The following AKT1 variants were observed in gnomAD, a reference collection of about 807,000 sequenced individuals.
AKT1 encodes RAC-alpha serine/threonine-protein kinase.
AKT1 carries 21 observed loss-of-function variants against 63.1 expected under a neutral mutation model. The ratio of observed to expected loss-of-function variants is 0.33; its 90% CI spans 0.24 to 0.48. The LOEUF (loss-of-function observed/expected upper bound fraction) is 0.48. AKT1 is among the 20% of genes least tolerant of loss of function. The probability of loss-of-function intolerance (pLI) is 0.99; values close to 1 mark genes in which losing one functional copy is unlikely to be tolerated. For missense variants in AKT1, 382 were observed against 666.0 expected (o/e 0.57, Z 4.69); for synonymous variants, 257 against 253.1 (o/e 1.02, Z -0.15).
At chr14:104,792,550 ACC>A (rs763290309) in intron 3 of AKT1, 46 bp downstream of exon 3, 28 of 1,604,778 alleles carry the variant, frequency 1.7e-5, no homozygotes, top group Non-Finnish European at 2.3e-5. Context: ...TGGGGCTACT[ACC>A]CCCATCTCTC....
chr14:104,779,950 C>T lies in AKT1; in HGVS notation c.175+138G>A. On this transcript the variant is annotated intron_variant, in intron 4 of 14. Coordinates refer to ENST00000649815, the MANE Select transcript of AKT1 (RefSeq NM_001382430.1). ...AGCCTCGGGACTCGGCCCAGAGACC[C>T]CCACCCAGCCAGTGCTTGTTGCTTG... 6 of 1,295,928 alleles carry T rather than the reference C, an allele frequency of 4.6e-6. No homozygotes were observed. The South Asian group carries it at 7.4e-5, about 16-fold the overall frequency. The allele number at this position is 1,295,928 out of a possible 1,614,324, so 80.3% of individuals were successfully genotyped here. A position where few individuals can be genotyped will look rare whatever the true frequency, so the allele number is the denominator to read the frequency against.
chr14:104,782,461 C>T (rs1468397060), intron 3 of AKT1, among the ~76,000 whole-genome samples: 2 of 152,244 alleles, frequency 1.3e-5, no homozygotes, highest in African/African-American at 4.8e-5. Context: ...ACCCTGCTGC[C>T]ACAAGCCCAG....
At chr14:104,773,166 C>T in intron 11 of AKT1, 74 bp from the exon 12 acceptor site, 3 of 1,609,786 alleles carry the variant, frequency 1.9e-6, no homozygotes, top group Non-Finnish European at 2.5e-6. Flanking sequence ...GTGTGACGTG[C>T]TTGGGGCACA....
At chr14:104,776,490 C>T (rs974190782) in intron 5 of AKT1, 169 bp downstream of exon 5, 17 of 571,648 alleles carry the variant, frequency 3.0e-5, no homozygotes, top group Non-Finnish European at 4.6e-5. Flanking sequence ...CCACCCAAAC[C>T]CCACAGGCAG....
intron 1 of AKT1, chr14:104,793,531 G>C (rs866045158): frequency 5.2e-4 from 92 of 178,002 alleles, no homozygotes; most frequent in African/African-American, 1.9e-3. Flanking sequence ...GGGCGCTGGA[G>C]ACAAAGAGAG....
intron 4 of AKT1, among the ~76,000 whole-genome samples, chr14:104,778,741 C>T (rs1430976078): frequency 1.3e-5 from 2 of 152,212 alleles, no homozygotes; most frequent in African/African-American, 2.4e-5. Context: ...CCTCCCAGAC[C>T]CTGGACCAGA....
intron 3 of AKT1, chr14:104,786,208 A>G (rs1198428480): frequency 6.6e-6 from 1 of 151,360 alleles, no homozygotes; most frequent in Non-Finnish European, 1.5e-5. Flanking sequence ...GGCGCCTCCT[A>G]CTCTGCCCCC....
intron 3 of AKT1, among the ~76,000 whole-genome samples, chr14:104,789,304 C>T (rs61759764): frequency 0.013 from 1,985 of 152,352 alleles, 30 homozygotes; most frequent in African/African-American, 0.045. Flanking sequence ...GACGGGGGGA[C>T]GCTCAGGAAG....
At chr14:104,778,672 C>T (rs919294075) in intron 4 of AKT1, 3 of 152,294 alleles carry the variant, frequency 2.0e-5, no homozygotes, top group African/African-American at 7.2e-5. Context: ...TACGTGCAGG[C>T]ACCAAGGGTG....
At chr14:104,783,862 G>A (rs1346762188) in intron 3 of AKT1, among the ~76,000 whole-genome samples, 4 of 152,210 alleles carry the variant, frequency 2.6e-5, no homozygotes, top group Non-Finnish European at 5.9e-5. Flanking sequence ...ACCCCGGCCT[G>A]GGCCTCAGGG....
At chr14:104,791,077 C>A (rs1431627719) in intron 3 of AKT1, among the ~76,000 whole-genome samples, 1 of 152,178 alleles carries the variant, frequency 6.6e-6, no homozygotes, top group Non-Finnish European at 1.5e-5. Context: ...CTAGGCCCAG[C>A]TGGCTGATGG....
chr14:104,774,131 TACC>T, intron 8 of AKT1, 151 bp from the exon 9 acceptor site: 2 of 679,886 alleles, frequency 2.9e-6, no homozygotes, highest in Non-Finnish European at 5.2e-6. Context: ...CGCTGCCTGA[TACC>T]ACACCGCCCG....
intron 3 of AKT1, among the ~76,000 whole-genome samples, chr14:104,782,758 G>C (rs567176618): frequency 6.6e-6 from 1 of 152,142 alleles, no homozygotes; most frequent in South Asian, 2.1e-4. Flanking sequence ...CTTTGTCTTC[G>C]GCATCCCAGC....
chr14:104,779,116 G>A (rs894661824), intron 4 of AKT1, among the ~76,000 whole-genome samples: 2 of 152,214 alleles, frequency 1.3e-5, no homozygotes, highest in East Asian at 1.9e-4. Flanking sequence ...CTAGCAGGGC[G>A]CCTGGGTCTC....
intron 3 of AKT1, among the ~76,000 whole-genome samples, chr14:104,781,129 T>C (rs936370145): frequency 2.0e-5 from 3 of 152,340 alleles, no homozygotes; most frequent in African/African-American, 7.2e-5. Flanking sequence ...CCATTTTTCA[T>C]ACTGACACTC....
rs1892430988 is a variant in AKT1, at chr14:104,772,258, AGG to A, written c.1260+105_1260+106del. On this transcript the variant is annotated intron_variant, in intron 13 of 14. Transcript: ENST00000649815. ...GTACCAGGACTGCAGCAGGCTCCTG[AGG>A]TGAGGGCGAGTGTGTGGGAAATCTG... The A allele has an allele frequency of 1.5e-5, 8 of 530,900 alleles. No individual in the cohort carries two copies. The East Asian group carries it at 6.5e-4, about 43-fold the overall frequency. 32.9% of individuals were successfully genotyped at this position (530,900 alleles called of 1,614,324 possible). A position where few individuals can be genotyped will look rare whatever the true frequency, so the allele number is the denominator to read the frequency against.
At chr14:104,774,088 G>A (rs938581942) in intron 8 of AKT1, 108 bp from the exon 9 acceptor site, 36 of 1,038,952 alleles carry the variant, frequency 3.5e-5, no homozygotes, top group East Asian at 2.9e-4. Flanking sequence ...ATACCACACC[G>A]CCCGTAGCCC....
chr14:104,782,955 T>A (rs1893139246), intron 3 of AKT1, among the ~76,000 whole-genome samples: 1 of 152,006 alleles, frequency 6.6e-6, no homozygotes, highest in Admixed American at 6.6e-5. Context: ...GACAGGATGC[T>A]GGGTGGGCGG....
rs1396308032 is a variant in AKT1, at chr14:104,776,746, C to T, written c.200G>A (p.Arg67Gln). 10 of 1,613,260 alleles carry T rather than the reference C, an allele frequency of 6.2e-6. No individual in the cohort carries two copies. Among genetic ancestry groups the T allele is most frequent in the African/African-American group, 1.3e-5 (1 of 75,048 alleles). ...GATGATGAAGGTGTTGGGCCGGGGCCGCTCCGTCTTCATCAGCTGGCACTC... is the reference window on the plus strand; with the variant it reads ...GATGATGAAGGTGTTGGGCCGGGGCTGCTCCGTCTTCATCAGCTGGCACTC... ...VAQCQLMKTERPRPNTFIIRC... is the reference protein window; with the variant it reads ...VAQCQLMKTEQPRPNTFIIRC... The change falls in exon 5 of 15, where the codon CGG becomes CAG. Residue 67 changes from arginine to glutamine, a missense_variant. Physicochemically the swap from Arg to Gln is conservative, Grantham distance 43 (BLOSUM62 1). Coordinates refer to ENST00000649815, the MANE Select transcript of AKT1 (RefSeq NM_001382430.1).
Sources: gnomAD v4.1 joint callset for allele counts (sites outside exome capture counted in the v4.1 genomes callset) on GRCh38, gnomAD v4.1.1 for gene constraint, MANE v1.5 for transcripts, NCBI Gene and HGNC (gene_info 2026-07-23, HGNC 2026-07-21) for gene names.